The following USH2A variants were observed in gnomAD, a reference collection of about 807,000 sequenced individuals.
The protein encoded by USH2A is usherin, also known as Usher syndrome 2A (autosomal recessive, mild).
USH2A carries 443 observed loss-of-function variants against 538.9 expected under a neutral mutation model. That is an observed-to-expected ratio of 0.82 (90% CI 0.76 to 0.89). The LOEUF (loss-of-function observed/expected upper bound fraction) is 0.89. Ranked by LOEUF, USH2A falls within the 40% of genes least tolerant of loss-of-function variation. USH2A has a pLI of 0.00. For synonymous variants in USH2A, 2,413 were observed against 2,273.5 expected (o/e 1.06, Z -1.75); for missense variants, 6,633 against 6,324.8 (o/e 1.05, Z -1.65).
intron 48 of USH2A, among the ~76,000 whole-genome samples, chr1:215,816,763 G>A (rs899791106): frequency 6.6e-6 from 1 of 152,062 alleles, no homozygotes; most frequent in Non-Finnish European, 1.5e-5. Flanking sequence ...AATTTGGGAT[G>A]TACCCTATTC....
chr1:216,091,025 A>G (rs1334465072), intron 22 of USH2A, among the ~76,000 whole-genome samples: 1 of 152,176 alleles, frequency 6.6e-6, no homozygotes, highest in Non-Finnish European at 1.5e-5. Context: ...AATCAAGTTT[A>G]TTGGAGACAA....
intron 64 of USH2A, among the ~76,000 whole-genome samples, chr1:215,666,000 C>G (rs1281546844): frequency 6.6e-6 from 1 of 152,208 alleles, no homozygotes; most frequent in Non-Finnish European, 1.5e-5. Flanking sequence ...CCCTGCAGTG[C>G]ACTCTGTAAA....
intron 61 of USH2A, among the ~76,000 whole-genome samples, chr1:215,719,383 A>AAAAAAAT (rs397953947): frequency 6.8e-6 from 1 of 148,134 alleles, no homozygotes. Flanking sequence ...AAAAAAAAAA[A>AAAAAAAT]GCATGTTCTT....
chr1:215,628,687 C>A, intron 71 of USH2A, 127 bp downstream of exon 71: 2 of 946,286 alleles, frequency 2.1e-6, no homozygotes, highest in African/African-American at 1.6e-5. Flanking sequence ...CCGGTTGTTA[C>A]TACCTCACTG....
At chr1:216,147,432 T>G (rs903140968) in intron 21 of USH2A, among the ~76,000 whole-genome samples, 24 of 152,132 alleles carry the variant, frequency 1.6e-4, no homozygotes, top group Non-Finnish European at 1.9e-4. Flanking sequence ...CCTTTTTCTT[T>G]ATCCCAAATC....
intron 4 of USH2A, among the ~76,000 whole-genome samples, chr1:216,359,590 A>G (rs2038452660): frequency 6.6e-6 from 1 of 152,114 alleles, no homozygotes; most frequent in Non-Finnish European, 1.5e-5. Context: ...CTCAGGTCAT[A>G]CAGAAAAACA....
chr1:215,964,358 G>C (rs561494094), intron 37 of USH2A, among the ~76,000 whole-genome samples: 1 of 152,116 alleles, frequency 6.6e-6, no homozygotes, highest in Non-Finnish European at 1.5e-5. Flanking sequence ...ACTCTGACAC[G>C]CACTTGACTC....
At chr1:216,148,978 C>T (rs188864304) in intron 21 of USH2A, among the ~76,000 whole-genome samples, 13 of 152,238 alleles carry the variant, frequency 8.5e-5, no homozygotes, top group Middle Eastern at 3.4e-3. Flanking sequence ...TTACCTATTT[C>T]GGCATAATTC....
chr1:216,336,816 A>C (rs1477883891), intron 4 of USH2A, among the ~76,000 whole-genome samples: 1 of 151,564 alleles, frequency 6.6e-6, no homozygotes, highest in Non-Finnish European at 1.5e-5. Context: ...GCTAGAAAAA[A>C]TTACAGGAAA....
In USH2A at chr1:216,230,876, ACT is replaced by A. The variant is rs1553318004; in HGVS notation, c.2993+1075_2993+1076del. ...GAACTTTAGACAAGCTCATAATCTC[ACT>A]CTCTCTCTCTCTCTCTCTCTCACAC... On this transcript the variant is annotated intron_variant, in intron 14 of 71. Coordinates refer to ENST00000307340, the MANE Select transcript of USH2A (RefSeq NM_206933.4). Among the ~76,000 whole-genome samples the A allele has an allele frequency of 6.0e-3, 451 of 74,896 alleles. 3 individuals carry two copies. Among genetic ancestry groups the A allele is most frequent in the Admixed American group, 0.016 (112 of 7,218 alleles). The allele number at this position is 74,896 out of a possible 152,430, so 49.1% of individuals were successfully genotyped here.
chr1:216,200,805 C>T (rs958766272), intron 16 of USH2A, among the ~76,000 whole-genome samples: 3 of 152,118 alleles, frequency 2.0e-5, no homozygotes, highest in African/African-American at 7.2e-5. Flanking sequence ...ACAGGAAACA[C>T]ACTGTAGGAC....
At chr1:216,052,059 C>T (rs950651479) in intron 30 of USH2A, among the ~76,000 whole-genome samples, 12 of 152,116 alleles carry the variant, frequency 7.9e-5, no homozygotes, top group Admixed American at 3.9e-4. Flanking sequence ...AAAGGAGTTA[C>T]GTTGTGTATA....
intron 30 of USH2A, among the ~76,000 whole-genome samples, chr1:216,065,053 A>G (rs2031306269): frequency 6.6e-6 from 1 of 152,242 alleles, no homozygotes; most frequent in Non-Finnish European, 1.5e-5. Flanking sequence ...CTCTTCCCTT[A>G]GTTTGTGACA....
At chr1:216,239,100 C>G (rs1413165076) in intron 13 of USH2A, among the ~76,000 whole-genome samples, 3 of 113,218 alleles carry the variant, frequency 2.6e-5, no homozygotes, top group African/African-American at 8.8e-5. Context: ...GACCATAAAA[C>G]CAGGAAAAAA....
intron 47 of USH2A, among the ~76,000 whole-genome samples, chr1:215,819,371 C>T (rs1395553721): frequency 6.6e-6 from 1 of 150,874 alleles, no homozygotes; most frequent in African/African-American, 2.4e-5. Context: ...TAAAAAGCGG[C>T]AGTCAAGATA....
intron 11 of USH2A, among the ~76,000 whole-genome samples, chr1:216,257,392 G>A (rs1448437504): frequency 6.6e-6 from 1 of 151,778 alleles, no homozygotes; most frequent in Admixed American, 6.6e-5. Flanking sequence ...GAAATCTGTT[G>A]TCATTCTTAC....
At chr1:215,831,440 AAGAT>A (rs1166398589) in intron 47 of USH2A, among the ~76,000 whole-genome samples, 9 of 152,120 alleles carry the variant, frequency 5.9e-5, no homozygotes, top group African/African-American at 2.2e-4. Context: ...TCCATTCACT[AAGAT>A]AGATCATATT....
At chr1:215,971,259 A>G (rs1043617498) in intron 35 of USH2A, among the ~76,000 whole-genome samples, 1 of 152,160 alleles carries the variant, frequency 6.6e-6, no homozygotes, top group Non-Finnish European at 1.5e-5. Context: ...TAGCATTCCT[A>G]TAACAGGCAA....
At chr1:216,330,049 G>A (rs999258437) in intron 4 of USH2A, among the ~76,000 whole-genome samples, 1 of 152,016 alleles carries the variant, frequency 6.6e-6, no homozygotes, top group African/African-American at 2.4e-5. Context: ...AATTTTGAAA[G>A]ACTTACCATA....
Sources: allele counts gnomAD v4.1 joint callset (sites outside exome capture counted in the v4.1 genomes callset), GRCh38; gene constraint gnomAD v4.1.1; transcripts MANE v1.5; gene names NCBI Gene and HGNC (gene_info 2026-07-23, HGNC 2026-07-21).